TNRC6A: variants seen among roughly 807,000 people sequenced by gnomAD.
TNRC6A encodes trinucleotide repeat containing adaptor 6A.
TNRC6A carries 44 observed loss-of-function variants against 221.2 expected under a neutral mutation model. The ratio of observed to expected loss-of-function variants is 0.20; its 90% CI spans 0.16 to 0.26. TNRC6A has a LOEUF of 0.26. TNRC6A is among the 10% of genes least tolerant of loss of function. The pLI, the probability that TNRC6A is intolerant of heterozygous loss-of-function variation, is 1.00. For synonymous variants in TNRC6A, 847 were observed against 838.5 expected, an observed-to-expected ratio of 1.01 and a Z score of -0.18; for missense variants, 2,199 against 2,404.4, an observed-to-expected ratio of 0.91 and a Z score of 1.79.
intron 2 of TNRC6A, among the ~76,000 whole-genome samples, chr16:24,694,456 C>G (rs1323488105): frequency 6.6e-6 from 1 of 152,040 alleles, no homozygotes; most frequent in East Asian, 1.9e-4. Context: ...GAGATCGACA[C>G]CATCCTGGCT....
At chr16:24,630,669 A>C (rs1304412930) in intron 1 of TNRC6A, among the ~76,000 whole-genome samples, 4 of 152,144 alleles carry the variant, frequency 2.6e-5, no homozygotes, top group Admixed American at 2.6e-4. Flanking sequence ...CCACTCGAAT[A>C]CAGCCCTAAG....
intron 11 of TNRC6A, among the ~76,000 whole-genome samples, chr16:24,803,005 A>G (rs1289749075): frequency 6.6e-6 from 1 of 152,234 alleles, no homozygotes; most frequent in Admixed American, 6.5e-5. Context: ...CAGAATGAGG[A>G]GAGGAGCAGA....
At chr16:24,626,637 T>A (rs1901008557) in intron 1 of TNRC6A, among the ~76,000 whole-genome samples, 1 of 150,644 alleles carries the variant, frequency 6.6e-6, no homozygotes, top group Non-Finnish European at 1.5e-5. Context: ...CAAGTTTTTT[T>A]AGATACTATT....
chr16:24,819,102 C>G (rs1465691617), intron 21 of TNRC6A, among the ~76,000 whole-genome samples: 2 of 152,032 alleles, frequency 1.3e-5, no homozygotes, highest in Non-Finnish European at 2.9e-5. Context: ...TTGAGAGTTA[C>G]AGGAATGTCA....
rs140963676 is a variant in TNRC6A, at chr16:24,823,582, C to T, written c.5664C>T (p.Ser1888=). 36 of 1,614,158 alleles carry T rather than the reference C, an allele frequency of 2.2e-5. No homozygotes were observed. The highest frequency in any genetic ancestry group is 3.1e-5 in the Non-Finnish European group (36 of 1,180,026). The change falls in exon 25 of 25, where the codon TCC becomes TCT. Residue 1888 remains serine (S), a synonymous_variant. Coordinates refer to ENST00000395799, the MANE Select transcript of TNRC6A (RefSeq NM_014494.4). This position sits in a 1 kb window ranked among gnomAD's most constrained non-coding sequence, Gnocchi z 4.3. The part of the protein sequence containing the change: ...SQSRLGSLDC[S]HSFSSRTDLN... ...GCCGGCTGGGCTCCCTCGACTGTTCCCACTCATTCTCCAGCCGGACCGATC... is the reference window on the plus strand; with the variant it reads ...GCCGGCTGGGCTCCCTCGACTGTTCTCACTCATTCTCCAGCCGGACCGATC...
At chr16:24,815,391 A>G in intron 19 of TNRC6A, 86 bp downstream of exon 19, 1 of 1,487,768 alleles carries the variant, frequency 6.7e-7, no homozygotes, top group Non-Finnish European at 9.2e-7. Flanking sequence ...GATGTAGCCC[A>G]GATCGGCGTG....
chr16:24,699,407 A>G (rs2055924850), intron 2 of TNRC6A, among the ~76,000 whole-genome samples: 2 of 152,170 alleles, frequency 1.3e-5, no homozygotes, highest in South Asian at 4.1e-4. Context: ...ATATTCAGGC[A>G]AAGCTGGGTT....
At chr16:24,818,536 T>C in intron 20 of TNRC6A, 57 bp from the exon 21 acceptor site, 1 of 1,436,626 alleles carries the variant, frequency 7.0e-7, no homozygotes, top group Non-Finnish European at 9.8e-7. Flanking sequence ...GCTTTTGCTT[T>C]TTCTGAACCT....
Position 24,790,006 on chromosome 16 carries a change from A to G in TNRC6A, c.1364A>G (p.Asn455Ser). 1 of 1,614,208 alleles carries G rather than the reference A, an allele frequency of 6.2e-7. No homozygotes were observed. Among genetic ancestry groups the G allele is most frequent in the Non-Finnish European group, 8.5e-7 (1 of 1,180,032 alleles). ...NITTEMTGPN[N>S]TTNFMTSSLP... Reference sequence around the variant, plus strand: ...ACCACTGAAATGACTGGACCAAATAACACTACTAACTTTATGACCTCTAGT... The same window carrying G: ...ACCACTGAAATGACTGGACCAAATAGCACTACTAACTTTATGACCTCTAGT... Residue 455 changes from asparagine to serine, a missense_variant, in exon 6 of 25, where the codon AAC becomes AGC. Transcript: ENST00000395799.
chr16:24,702,208 C>T (rs1596517206), intron 2 of TNRC6A, among the ~76,000 whole-genome samples: 4 of 114,258 alleles, frequency 3.5e-5, no homozygotes, highest in Admixed American at 1.3e-4. Context: ...GGCAGGGTTT[C>T]GCTCTGTCAC....
rs540406392 is a variant in TNRC6A, at chr16:24,639,745, A to C, written n.277-1139A>C. ...AGCCTCCATCTCCTTGGACTCACTC[A>C]AGTGATCCTCCTGCCTTAGCCTCCT... On this transcript the variant is annotated intron_variant and non_coding_transcript_variant, in intron 1 of 2. Transcript: ENST00000566108. 6.1e-4 allele frequency among the ~76,000 whole-genome samples: 93 copies of C among 152,158 alleles called. 1 individual carries two copies. Among genetic ancestry groups the C allele is most frequent in the Non-Finnish European group, 1.9e-4 (13 of 68,004 alleles).
chr16:24,772,458 C>T (rs2057631673), intron 4 of TNRC6A, among the ~76,000 whole-genome samples: 1 of 151,870 alleles, frequency 6.6e-6, no homozygotes, highest in Non-Finnish European at 1.5e-5. Context: ...CGCGCCATTG[C>T]ACTCCAGCCT....
chr16:24,693,925 A>G (rs924248502), intron 2 of TNRC6A, among the ~76,000 whole-genome samples: 1 of 152,074 alleles, frequency 6.6e-6, no homozygotes, highest in Non-Finnish European at 1.5e-5. Flanking sequence ...AAGAGGGTTG[A>G]TTAACATGGA....
intron 4 of TNRC6A, chr16:24,776,453 C>G (rs2057719375): frequency 1.0e-6 from 1 of 985,284 alleles, no homozygotes; most frequent in Non-Finnish European, 1.2e-6. Context: ...AGGTTGTTTT[C>G]TAACCTTGTG....
chr16:24,703,600 G>A (rs1427065455), intron 2 of TNRC6A, among the ~76,000 whole-genome samples: 5 of 152,084 alleles, frequency 3.3e-5, no homozygotes, highest in East Asian at 3.8e-4. Context: ...GACAATTCCA[G>A]TGAAAAAATA....
At chr16:24,798,048 C>T (rs1170974790) in intron 11 of TNRC6A, 82 bp downstream of exon 11, 15 of 1,258,304 alleles carry the variant, frequency 1.2e-5, no homozygotes, top group East Asian at 7.3e-5. Flanking sequence ...AGAGCCCTGA[C>T]GTAGATCAGG....
chr16:24,611,452 G>A (rs1900052182), intron 1 of TNRC6A, among the ~76,000 whole-genome samples: 1 of 152,144 alleles, frequency 6.6e-6, no homozygotes, highest in African/African-American at 2.4e-5. Flanking sequence ...CTCAGCAAGG[G>A]AATGATCAAG....
upstream of TNRC6A, among the ~76,000 whole-genome samples, chr16:24,725,083 C>A (rs2056469871): frequency 6.6e-6 from 1 of 152,110 alleles, no homozygotes; most frequent in South Asian, 2.1e-4. Flanking sequence ...TAAATTTGTA[C>A]AGCGTGTTTC....
At position 24,809,450 on chromosome 16, in the gene TNRC6A, C is replaced by A; in HGVS notation, c.4641C>A (p.Asn1547Lys). 6.4e-7 allele frequency: 1 copy of A among 1,574,016 alleles called. No homozygotes were observed. Among genetic ancestry groups the A allele is most frequent in the South Asian group, 1.2e-5 (1 of 85,402 alleles). Reference protein sequence around the residue: ...KWTTVDSISVNTSLDQNSSKH... With the variant: ...KWTTVDSISVKTSLDQNSSKH... ...CGACAGTGGACAGCATTTCTGTGAACACATCTTTGGATCAAAACTCCAGCA... is the reference window on the plus strand; with the variant it reads ...CGACAGTGGACAGCATTTCTGTGAAAACATCTTTGGATCAAAACTCCAGCA... Residue 1547 changes from asparagine to lysine, a missense_variant, in exon 18 of 25, where the codon AAC becomes AAA. Asn to Lys is a moderately conservative substitution (Grantham distance 94). Around this residue, in one of 8 missense-constraint regions of TNRC6A, gnomAD observed 449 missense variants for 579.7 expected, o/e 0.77. Coordinates refer to ENST00000395799, the MANE Select transcript of TNRC6A (RefSeq NM_014494.4).
Sources: allele counts gnomAD v4.1 joint callset (sites outside exome capture counted in the v4.1 genomes callset), GRCh38; gene constraint gnomAD v4.1.1; regional missense constraint gnomAD v4.1.1; non-coding constraint Gnocchi (gnomAD v3.1); transcripts MANE v1.5; gene names NCBI Gene and HGNC (gene_info 2026-07-23, HGNC 2026-07-21).